The following RBFOX1 variants were observed in gnomAD, a reference collection of about 807,000 sequenced individuals.
RBFOX1 encodes the protein RNA binding protein fox-1 homolog 1.
A neutral mutation model predicts 57.7 loss-of-function variants in RBFOX1; 8 were observed. The observed-to-expected ratio is 0.14, with a 90% CI of 0.08 to 0.25. The LOEUF (loss-of-function observed/expected upper bound fraction) is 0.25. Ranked by LOEUF, RBFOX1 falls within the 10% of genes least tolerant of loss-of-function variation. The pLI, the probability that RBFOX1 is intolerant of heterozygous loss-of-function variation, is 1.00. For synonymous variants in RBFOX1, 326 were observed against 222.4 expected (o/e 1.47, Z -4.15); for missense variants, 611 against 548.5 (o/e 1.11, Z -1.14).
At chr16:6,688,797 C>T (rs1002978703) in intron 3 of RBFOX1, among the ~76,000 whole-genome samples, 1 of 152,138 alleles carries the variant, frequency 6.6e-6, no homozygotes, top group African/African-American at 2.4e-5. Context: ...AGCCCACCAC[C>T]TCCCGACAGG....
rs559938483 is a variant in RBFOX1 at position 6,513,036 on chromosome 16, C to T, written c.-63-141567C>T. Among the ~76,000 whole-genome samples the T allele has an allele frequency of 1.1e-4, 17 of 152,242 alleles. No individual in the cohort carries two copies. The South Asian group carries it at 3.5e-3, about 32-fold the overall frequency. ...ATGTCTCCTTCCCACTGTGAAAATA[C>T]AAAATAGCACATCAATCAATATGGC... On this transcript the variant is annotated intron_variant, in intron 2 of 15. Coordinates refer to ENST00000550418, the MANE Select transcript of RBFOX1 (RefSeq NM_018723.4).
intron 4 of RBFOX1, among the ~76,000 whole-genome samples, chr16:5,953,809 A>G (rs112106640): frequency 0.023 from 3,477 of 152,162 alleles, 61 homozygotes; most frequent in Non-Finnish European, 0.035. Flanking sequence ...GTGCTGCTGT[A>G]AACCTGCGTG....
chr16:6,675,352 A>C (rs1346802186), intron 3 of RBFOX1, among the ~76,000 whole-genome samples: 3 of 152,134 alleles, frequency 2.0e-5, no homozygotes, highest in African/African-American at 7.2e-5. Flanking sequence ...TCAGAAGTGT[A>C]TCTGTCCCAA....
chr16:6,784,484 C>G lies in RBFOX1; in HGVS notation c.-16+129834C>G, dbSNP rs116263950. 5.3e-3 allele frequency among the ~76,000 whole-genome samples: 803 copies of G among 152,160 alleles called. 10 individuals carry two copies. Among genetic ancestry groups the G allele is most frequent in the African/African-American group, 0.018 (763 of 41,534 alleles). On this transcript the variant is annotated intron_variant, in intron 3 of 15. Transcript: ENST00000550418. ...TTTTTTTGTTATTATAATCTCTTTG[C>G]TAGATTTATCTGATAGAATTCCAAA...
At chr16:6,930,890 C>A (rs769779772) in intron 3 of RBFOX1, among the ~76,000 whole-genome samples, 12 of 151,988 alleles carry the variant, frequency 7.9e-5, no homozygotes, top group Non-Finnish European at 1.5e-4. Flanking sequence ...AATACCCCTG[C>A]CCCCTCACCA....
chr16:5,459,691 C>G, intron 1 of RBFOX1, among the ~76,000 whole-genome samples: 1 of 152,086 alleles, frequency 6.6e-6, no homozygotes, highest in East Asian at 1.9e-4. Context: ...ATGATCTTAA[C>G]CCTTCCTCCC....
chr16:7,268,786 C>T (rs2095242847), intron 4 of RBFOX1, among the ~76,000 whole-genome samples: 1 of 152,024 alleles, frequency 6.6e-6, no homozygotes, highest in Admixed American at 6.5e-5. Flanking sequence ...GTAATCACAG[C>T]ACTTTGGGAG....
At chr16:7,156,338 T>C (rs1164565033) in intron 4 of RBFOX1, among the ~76,000 whole-genome samples, 3 of 152,018 alleles carry the variant, frequency 2.0e-5, no homozygotes, top group Non-Finnish European at 4.4e-5. Flanking sequence ...CATATGTATA[T>C]ACATATCTGT....
chr16:6,643,289 G>C (rs1053878955), intron 2 of RBFOX1, among the ~76,000 whole-genome samples: 1 of 152,190 alleles, frequency 6.6e-6, no homozygotes, highest in Non-Finnish European at 1.5e-5. Context: ...CTGGCCATTT[G>C]TGATATTGCA....
chr16:7,105,572 T>C (rs2063433276), intron 4 of RBFOX1, among the ~76,000 whole-genome samples: 1 of 152,080 alleles, frequency 6.6e-6, no homozygotes, highest in Admixed American at 6.6e-5. Flanking sequence ...AGTGAGAACA[T>C]ACAACGTTTG....
At chr16:7,316,164 C>G (rs111297326) in intron 4 of RBFOX1, among the ~76,000 whole-genome samples, 8 of 152,208 alleles carry the variant, frequency 5.3e-5, no homozygotes, top group African/African-American at 1.7e-4. Flanking sequence ...GATGGATCCT[C>G]CACTTTGTGT....
chr16:7,498,743 G>C (rs912954780), intron 4 of RBFOX1, among the ~76,000 whole-genome samples: 1 of 152,132 alleles, frequency 6.6e-6, no homozygotes, highest in African/African-American at 2.4e-5. Flanking sequence ...ATGGCTAGTG[G>C]CTACCATGTT....
chr16:7,209,993 C>A (rs1006506696), intron 4 of RBFOX1, among the ~76,000 whole-genome samples: 11 of 152,142 alleles, frequency 7.2e-5, no homozygotes, highest in Admixed American at 3.9e-4. Flanking sequence ...ATTAAACTGC[C>A]TTGCCTCTAA....
intron 4 of RBFOX1, among the ~76,000 whole-genome samples, chr16:5,887,198 A>C (rs1254039420): frequency 6.6e-6 from 1 of 152,194 alleles, no homozygotes; most frequent in Non-Finnish European, 1.5e-5. Flanking sequence ...TTCAGAGATT[A>C]GTCCATTCAG....
intron 4 of RBFOX1, among the ~76,000 whole-genome samples, chr16:5,929,657 A>T (rs907640359): frequency 6.6e-6 from 1 of 152,224 alleles, no homozygotes; most frequent in Non-Finnish European, 1.5e-5. Context: ...AGTGTTTAAG[A>T]ATGTAGACTT....
At chr16:6,739,437 C>T (rs140371246) in intron 3 of RBFOX1, among the ~76,000 whole-genome samples, 1 of 152,052 alleles carries the variant, frequency 6.6e-6, no homozygotes, top group Non-Finnish European at 1.5e-5. Flanking sequence ...TTGAATGACC[C>T]TATAACTATT....
chr16:6,385,470 C>T (rs541356256), intron 2 of RBFOX1, among the ~76,000 whole-genome samples: 3 of 152,232 alleles, frequency 2.0e-5, no homozygotes, highest in South Asian at 2.1e-4. Context: ...AGTGATTCTC[C>T]TGCCTCTGCC....
intron 14 of RBFOX1, among the ~76,000 whole-genome samples, chr16:7,682,198 G>C (rs2074940064): frequency 6.6e-6 from 1 of 152,054 alleles, no homozygotes; most frequent in Non-Finnish European, 1.5e-5. Context: ...TTCTTCCTTG[G>C]CAAAGTAAAC....
intron 1 of RBFOX1, among the ~76,000 whole-genome samples, chr16:5,367,528 A>G (rs1467835746): frequency 1.3e-5 from 2 of 152,192 alleles, no homozygotes; most frequent in Non-Finnish European, 2.9e-5. Context: ...GAGTGGCACC[A>G]TTACTGTCTT....
Sources: gnomAD v4.1 joint callset for allele counts (sites outside exome capture counted in the v4.1 genomes callset) on GRCh38, gnomAD v4.1.1 for gene constraint, MANE v1.5 for transcripts, NCBI Gene and HGNC (gene_info 2026-07-23, HGNC 2026-07-21) for gene names.